DTWD2: variants seen among roughly 807,000 people sequenced by gnomAD.
DTWD2 encodes DTW motif tRNA-uridine aminocarboxypropyltransferase 2, also known as tRNA-uridine aminocarboxypropyltransferase 2.
In DTWD2, 39 loss-of-function variants were observed where a neutral mutation model predicts 31.8. The ratio of observed to expected loss-of-function variants is 1.22; its 90% CI spans 0.95 to 1.60. The LOEUF is 1.60. DTWD2 is among the 40% of genes most tolerant of loss of function. The probability of loss-of-function intolerance (pLI) is 0.00; values close to 1 mark genes in which losing one functional copy is unlikely to be tolerated. For missense variants in DTWD2, 515 were observed against 381.5 expected, an observed-to-expected ratio of 1.35 and a Z score of -2.92; for synonymous variants, 180 against 142.8, an observed-to-expected ratio of 1.26 and a Z score of -1.86.
intron 4 of DTWD2, among the ~76,000 whole-genome samples, chr5:118,876,665 C>T (rs1389666598): frequency 6.6e-6 from 1 of 152,112 alleles, no homozygotes; most frequent in Non-Finnish European, 1.5e-5. Context: ...CACATACACC[C>T]TCCCAAGACT....
intron 3 of DTWD2, among the ~76,000 whole-genome samples, chr5:118,930,501 G>T (rs1252694727): frequency 6.6e-6 from 1 of 151,888 alleles, no homozygotes; most frequent in African/African-American, 2.4e-5. Flanking sequence ...AGATTCGTCA[G>T]AGAATTGAGG....
intron 5 of DTWD2, 41 bp from the exon 6 acceptor site, chr5:118,841,128 A>T: frequency 1.9e-6 from 3 of 1,563,102 alleles, no homozygotes; most frequent in Non-Finnish European, 2.6e-6. Context: ...ATCTGTGACA[A>T]ATCATGATAT....
intron 4 of DTWD2, among the ~76,000 whole-genome samples, chr5:118,859,460 G>A (rs867553333): frequency 1.1e-4 from 17 of 152,054 alleles, no homozygotes; most frequent in Non-Finnish European, 2.5e-4. Context: ...TTTTTGAAAT[G>A]TTTTGATCCA....
chr5:118,945,249 C>T (rs1234804717), intron 1 of DTWD2, among the ~76,000 whole-genome samples: 3 of 152,074 alleles, frequency 2.0e-5, no homozygotes, highest in South Asian at 2.1e-4. Flanking sequence ...TTTTATTTTA[C>T]TTACATTTTA....
At chr5:118,986,864 G>C (rs1403511614) in intron 1 of DTWD2, among the ~76,000 whole-genome samples, 1 of 151,726 alleles carries the variant, frequency 6.6e-6, no homozygotes, top group African/African-American at 2.4e-5. Flanking sequence ...AGAGGGAGGA[G>C]AGCTTTTCAC....
At chr5:118,908,087 A>G (rs1753374001) in intron 4 of DTWD2, among the ~76,000 whole-genome samples, 1 of 152,228 alleles carries the variant, frequency 6.6e-6, no homozygotes, top group African/African-American at 2.4e-5. Context: ...ATTTAATTTC[A>G]TGTTTATTAA....
chr5:118,953,083 G>A (rs772342277), intron 1 of DTWD2, among the ~76,000 whole-genome samples: 4 of 152,154 alleles, frequency 2.6e-5, no homozygotes, highest in Admixed American at 2.6e-4. Context: ...GAATCACCTA[G>A]AGGACTCATT....
At chr5:118,941,957 G>A (rs543727620) in intron 2 of DTWD2, among the ~76,000 whole-genome samples, 52 of 152,158 alleles carry the variant, frequency 3.4e-4, no homozygotes, top group African/African-American at 1.3e-3. Flanking sequence ...TCATGTGTCT[G>A]TTGGCTGCAT....
At chr5:118,864,686 G>A (rs1280522387) in intron 4 of DTWD2, among the ~76,000 whole-genome samples, 1 of 149,524 alleles carries the variant, frequency 6.7e-6, no homozygotes, top group Non-Finnish European at 1.5e-5. Flanking sequence ...TTAAGTGTTA[G>A]GGTACATGTG....
intron 4 of DTWD2, among the ~76,000 whole-genome samples, chr5:118,872,180 T>G (rs950404338): frequency 6.6e-6 from 1 of 152,244 alleles, no homozygotes; most frequent in African/African-American, 2.4e-5. Flanking sequence ...GGGAATGTTA[T>G]AGCTGGTTTG....
intron 4 of DTWD2, among the ~76,000 whole-genome samples, chr5:118,912,167 A>C (rs554609306): frequency 2.0e-5 from 3 of 152,320 alleles, no homozygotes; most frequent in African/African-American, 7.2e-5. Context: ...ACTCTGATTA[A>C]ATGTAATTGT....
At chr5:118,870,373 T>C (rs1327649888) in intron 4 of DTWD2, among the ~76,000 whole-genome samples, 1 of 152,190 alleles carries the variant, frequency 6.6e-6, no homozygotes, top group African/African-American at 2.4e-5. Flanking sequence ...ATGAAACACT[T>C]GATTGGTTGG....
At chr5:118,934,102 G>T (rs149180256) in intron 3 of DTWD2, among the ~76,000 whole-genome samples, 1 of 149,858 alleles carries the variant, frequency 6.7e-6, no homozygotes, top group African/African-American at 2.4e-5. Context: ...ATTAAAATAC[G>T]TAAAGTACCT....
intron 4 of DTWD2, among the ~76,000 whole-genome samples, chr5:118,898,082 C>G (rs908508132): frequency 2.6e-5 from 4 of 151,946 alleles, no homozygotes; most frequent in African/African-American, 9.7e-5. Flanking sequence ...CCAGGCTGGT[C>G]TCAAACCCCT....
intron 4 of DTWD2, among the ~76,000 whole-genome samples, chr5:118,904,367 T>A (rs932795697): frequency 6.6e-6 from 1 of 152,142 alleles, no homozygotes; most frequent in Non-Finnish European, 1.5e-5. Context: ...ATCATACTTA[T>A]ATACTGGACT....
Position 118,988,546 on chromosome 5 carries a change from C to T in DTWD2, c.-35G>A, listed in dbSNP as rs775092940. ...TCCGGTCAGGCCGTGGCATTGAAGC[C>T]CGGCTGCCGCCGGGGGGCGCCACGC... On this transcript the variant is annotated 5_prime_UTR_variant, in exon 1 of 6. Coordinates refer to ENST00000510708, the MANE Select transcript of DTWD2 (RefSeq NM_173666.4). 7 of 1,468,268 alleles carry T rather than the reference C, an allele frequency of 4.8e-6. No individual in the cohort carries two copies. The highest frequency in any genetic ancestry group is 6.3e-6 in the Non-Finnish European group (7 of 1,112,542). 91.0% of individuals were successfully genotyped at this position (1,468,268 alleles called of 1,614,324 possible). A position where few individuals can be genotyped will look rare whatever the true frequency, so the allele number is the denominator to read the frequency against.
chr5:118,879,185 C>T (rs764610448), intron 4 of DTWD2, among the ~76,000 whole-genome samples: 8 of 152,102 alleles, frequency 5.3e-5, no homozygotes, highest in Non-Finnish European at 8.8e-5. Flanking sequence ...GATACATGCA[C>T]GTGTATCTTC....
At chr5:118,966,231 T>C (rs1580443931) in intron 1 of DTWD2, among the ~76,000 whole-genome samples, 1 of 152,372 alleles carries the variant, frequency 6.6e-6, no homozygotes, top group Non-Finnish European at 1.5e-5. Context: ...TTTATCATTC[T>C]GGCAAATTTA....
chr5:118,944,763 C>T, intron 1 of DTWD2, 114 bp from the exon 2 acceptor site: 2 of 874,572 alleles, frequency 2.3e-6, no homozygotes, highest in Non-Finnish European at 3.4e-6. Context: ...GCTAAAGCTA[C>T]ATTCTTTTCA....
Sources: gnomAD v4.1 joint callset for allele counts (sites outside exome capture counted in the v4.1 genomes callset) on GRCh38, gnomAD v4.1.1 for gene constraint, MANE v1.5 for transcripts, NCBI Gene and HGNC (gene_info 2026-07-23, HGNC 2026-07-21) for gene names.